CHEK2: variants seen among roughly 807,000 people sequenced by gnomAD.
CHEK2 encodes the protein serine/threonine-protein kinase Chk2.
A neutral mutation model predicts 69.1 loss-of-function variants in CHEK2; 71 were observed. The ratio of observed to expected loss-of-function variants is 1.03; its 90% CI spans 0.85 to 1.25. The LOEUF is 1.25. CHEK2 is among the 50% of genes most tolerant of loss of function. The pLI is 0.00. For missense variants in CHEK2, 664 were observed against 649.6 expected, an observed-to-expected ratio of 1.02 and a Z score of -0.24; for synonymous variants, 189 against 226.9, an observed-to-expected ratio of 0.83 and a Z score of 1.50.
At chr22:28,709,073 T>C (rs1215516102) in intron 7 of CHEK2, 1 of 237,180 alleles carries the variant, frequency 4.2e-6, no homozygotes, top group Non-Finnish European at 8.8e-6. Context: ...TATGCCTTCA[T>C]GGGCACTTAT....
intron 8 of CHEK2, among the ~76,000 whole-genome samples, chr22:28,702,536 C>A (rs1319498689): frequency 8.0e-6 from 1 of 124,492 alleles, no homozygotes; most frequent in Non-Finnish European, 1.8e-5. Flanking sequence ...CTGCGCCCGG[C>A]CTTTTTTTTT....
In CHEK2 at chr22:28,708,518, T is replaced by C. The variant is rs183352559; in HGVS notation, c.846+1488A>G. Among the ~76,000 whole-genome samples the C allele has an allele frequency of 6.4e-4, 98 of 152,028 alleles. 1 individual carries two copies. Among genetic ancestry groups the C allele is most frequent in the Admixed American group, 6.2e-3 (94 of 15,244 alleles). On this transcript the variant is annotated intron_variant, in intron 7 of 14. Coordinates refer to ENST00000404276, the MANE Select transcript of CHEK2 (RefSeq NM_007194.4). ...GGAAGGTCAGCCACTCAGGTTCTCATAGGTTTTCAGGTCCACTCACAGAGT... is the reference window on the plus strand; with the variant it reads ...GGAAGGTCAGCCACTCAGGTTCTCACAGGTTTTCAGGTCCACTCACAGAGT...
intron 7 of CHEK2, among the ~76,000 whole-genome samples, chr22:28,708,003 ATT>A (rs572802170): frequency 6.7e-6 from 1 of 150,212 alleles, no homozygotes; most frequent in African/African-American, 2.4e-5. Context: ...CGCCCGGCTA[ATT>A]TTTTTTTGTA....
At chr22:28,739,224 C>T (rs1370749268) in intron 1 of CHEK2, among the ~76,000 whole-genome samples, 1 of 151,906 alleles carries the variant, frequency 6.6e-6, no homozygotes, top group African/African-American at 2.4e-5. Flanking sequence ...TGCAGTGAGC[C>T]GAGATCGCAC....
chr22:28,735,890 T>A (rs982077107), intron 1 of CHEK2, among the ~76,000 whole-genome samples: 1 of 151,220 alleles, frequency 6.6e-6, no homozygotes, highest in African/African-American at 2.4e-5. Context: ...CTCAAAAAAA[T>A]TAATTAATTA....
intron 2 of CHEK2, among the ~76,000 whole-genome samples, chr22:28,729,625 G>A (rs1360534443): frequency 6.7e-6 from 1 of 150,010 alleles, no homozygotes; most frequent in East Asian, 2.0e-4. Flanking sequence ...TATAATACAC[G>A]ATAACAATAG....
At position 28,734,460 on chromosome 22, in the gene CHEK2, G is replaced by C; in HGVS notation, c.262C>G (p.Pro88Ala). 2.5e-6 allele frequency: 4 copies of C among 1,614,096 alleles called. No homozygotes were observed. The highest frequency in any genetic ancestry group is 3.4e-6 in the Non-Finnish European group (4 of 1,180,016). Residue 88 changes from proline to alanine, a missense_variant, in exon 2 of 15, where the codon CCT becomes GCT. Coordinates refer to ENST00000404276, the MANE Select transcript of CHEK2 (RefSeq NM_007194.4). Reference protein sequence around the residue: ...QEPEDQEPEEPTPAPWARLWA... With the variant: ...QEPEDQEPEEATPAPWARLWA... ...AATCGAGCCCAGGGGGCAGGGGTAG[G>C]CTCCTCAGGTTCTTGGTCCTCAGGT...
chr22:28,704,121 GACACACACACACACAC>G (rs10565000), intron 7 of CHEK2, among the ~76,000 whole-genome samples: 16 of 142,940 alleles, frequency 1.1e-4, no homozygotes, highest in South Asian at 2.3e-4. Flanking sequence ...GAGACAGACA[GACACACACACACACAC>G]ACACACACAC....
intron 4 of CHEK2, among the ~76,000 whole-genome samples, chr22:28,723,935 C>T (rs1282022678): frequency 1.4e-5 from 2 of 145,634 alleles, no homozygotes; most frequent in Non-Finnish European, 3.0e-5. Flanking sequence ...GACCATGTCT[C>T]GAAAAAGAAA....
chr22:28,696,525 C>G (rs753177286), intron 10 of CHEK2, among the ~76,000 whole-genome samples: 1 of 152,184 alleles, frequency 6.6e-6, no homozygotes, highest in African/African-American at 2.4e-5. Flanking sequence ...AGACACCCAC[C>G]ACCATGCCCA....
intron 2 of CHEK2, among the ~76,000 whole-genome samples, chr22:28,729,088 G>A (rs74277584): frequency 0.044 from 6,707 of 152,230 alleles, 282 homozygotes; most frequent in East Asian, 0.21. Flanking sequence ...ACGGAACACT[G>A]TCAACTCATC....
intron 9 of CHEK2, among the ~76,000 whole-genome samples, chr22:28,698,119 G>A (rs941468594): frequency 2.0e-5 from 3 of 150,602 alleles, no homozygotes; most frequent in Non-Finnish European, 3.0e-5. Flanking sequence ...GGGCGGGCAC[G>A]GTGGCTCATG....
Position 28,710,181 on chromosome 22 carries a change from C to T in CHEK2, c.793-122G>A, listed in dbSNP as rs869312548. 2.7e-5 allele frequency: 17 copies of T among 631,710 alleles called. No homozygotes were observed. The highest frequency in any genetic ancestry group is 4.6e-5 in the Non-Finnish European group (16 of 348,766). 39.1% of individuals were successfully genotyped at this position (631,710 alleles called of 1,614,324 possible). A position where few individuals can be genotyped will look rare whatever the true frequency, so the allele number is the denominator to read the frequency against. Reference sequence around the variant, plus strand: ...AGTTCCAAACCCAGCTCTACTTATACAAAGAAATCAAAGCCCAGGTCAATG... The same window carrying T: ...AGTTCCAAACCCAGCTCTACTTATATAAAGAAATCAAAGCCCAGGTCAATG... On this transcript the variant is annotated intron_variant, in intron 6 of 14. Transcript: ENST00000404276.
At chr22:28,710,228 T>A (rs1327429005) in intron 6 of CHEK2, among the ~76,000 whole-genome samples, 169 bp from the exon 7 acceptor site, 1 of 152,150 alleles carries the variant, frequency 6.6e-6, no homozygotes, top group Non-Finnish European at 1.5e-5. Context: ...TCACCTAAAA[T>A]AACTTTGTAA....
intron 5 of CHEK2, among the ~76,000 whole-genome samples, chr22:28,715,691 A>C (rs985371202): frequency 1.3e-5 from 2 of 152,140 alleles, no homozygotes; most frequent in African/African-American, 4.8e-5. Flanking sequence ...AAGTACCCGG[A>C]TTACAGGCGT....
At chr22:28,721,667 G>C (rs1035236529) in intron 4 of CHEK2, 3 of 452,514 alleles carry the variant, frequency 6.6e-6, no homozygotes, top group African/African-American at 2.1e-5. Flanking sequence ...GTGAGGTAAT[G>C]CATGTTAGCT....
chr22:28,719,553 A>C, intron 4 of CHEK2, 68 bp from the exon 5 acceptor site: 2 of 886,634 alleles, frequency 2.3e-6, no homozygotes, highest in Non-Finnish European at 3.6e-6. Context: ...TGATTCTAAA[A>C]TTTATTCATC....
At chr22:28,730,516 G>A in intron 2 of CHEK2, 1 of 699,378 alleles carries the variant, frequency 1.4e-6, no homozygotes, top group Non-Finnish European at 2.6e-6. Context: ...AGGAGTTCAA[G>A]ATCAGATTGG....
chr22:28,740,881 C>T (rs1231842996), intron 1 of CHEK2, among the ~76,000 whole-genome samples: 1 of 152,018 alleles, frequency 6.6e-6, no homozygotes, highest in South Asian at 2.1e-4. Flanking sequence ...ATAGGCCGGG[C>T]GCGGTGGCTC....
Sources: gnomAD v4.1 joint callset for allele counts (sites outside exome capture counted in the v4.1 genomes callset) on GRCh38, gnomAD v4.1.1 for gene constraint, MANE v1.5 for transcripts, NCBI Gene and HGNC (gene_info 2026-07-23, HGNC 2026-07-21) for gene names.